AGBL1: variants seen among roughly 807,000 people sequenced by gnomAD.
AGBL1 encodes the protein cytosolic carboxypeptidase 4.
Under a neutral mutation model 118.9 loss-of-function variants are expected in AGBL1, and 130 were observed. The observed-to-expected ratio is 1.09, with a 90% CI of 0.95 to 1.26. The LOEUF is 1.26. Among genes scored for constraint, AGBL1 ranks in the 50% most tolerant of loss-of-function variants. The probability of loss-of-function intolerance (pLI) is 0.00; values close to 1 mark genes in which losing one functional copy is unlikely to be tolerated. For synonymous variants in AGBL1, 555 were observed against 478.9 expected (o/e 1.16, Z -2.08); for missense variants, 1,584 against 1,298.1 (o/e 1.22, Z -3.38).
intron 22 of AGBL1, among the ~76,000 whole-genome samples, chr15:86,784,229 ATAT>A (rs1236696042): frequency 6.6e-6 from 1 of 152,184 alleles, no homozygotes; most frequent in East Asian, 1.9e-4. Context: ...ATTAATAATG[ATAT>A]TAATAATGTT....
At chr15:86,556,123 C>A in intron 21 of AGBL1, 1 of 904,660 alleles carries the variant, frequency 1.1e-6, no homozygotes, top group Non-Finnish European at 1.7e-6. Context: ...AGTATCAGTG[C>A]CATTCACAAT....
At chr15:86,430,984 G>T (rs2142038593) in intron 18 of AGBL1, among the ~76,000 whole-genome samples, 1 of 152,308 alleles carries the variant, frequency 6.6e-6, no homozygotes, top group African/African-American at 2.4e-5. Context: ...AGGAAAGTGA[G>T]ACTCAGAGAT....
Position 86,909,887 on chromosome 15 carries a change from T to C in AGBL1, c.*2593T>C, listed in dbSNP as rs1259911189. On this transcript the variant is annotated 3_prime_UTR_variant, in exon 23 of 23. Transcript: ENST00000614907. The stretch of plus-strand genomic sequence containing the variant: ...AACGTGACCATGACAGATAAGTTTT[T>C]ATGTGGCATGTTCAGAAAAAGCCAG... The C allele has an allele frequency of 6.6e-6, 1 of 152,250 alleles. No individual in the cohort carries two copies. 9.4% of individuals were successfully genotyped at this position (152,250 alleles called of 1,614,324 possible).
intron 23 of AGBL1, among the ~76,000 whole-genome samples, chr15:86,951,956 G>T (rs1416281558): frequency 1.3e-5 from 2 of 152,116 alleles, no homozygotes; most frequent in Non-Finnish European, 2.9e-5. Flanking sequence ...CTCCTGGCTG[G>T]GCACGGTGGC....
chr15:86,616,353 A>T (rs113007090), intron 21 of AGBL1, among the ~76,000 whole-genome samples: 2,792 of 148,530 alleles, frequency 0.019, 133 homozygotes, highest in African/African-American at 0.067. Context: ...AAAAAAAAAA[A>T]AAAAAAAAAA....
chr15:86,180,929 A>G (rs2077543706), intron 5 of AGBL1, among the ~76,000 whole-genome samples: 1 of 152,156 alleles, frequency 6.6e-6, no homozygotes, highest in Admixed American at 6.5e-5. Flanking sequence ...GCTCAACATC[A>G]GAATTAATTA....
At chr15:86,434,747 A>T (rs1052158359) in intron 18 of AGBL1, among the ~76,000 whole-genome samples, 1 of 152,210 alleles carries the variant, frequency 6.6e-6, no homozygotes, top group African/African-American at 2.4e-5. Context: ...TAAGGGAACT[A>T]TATCTGTAGC....
chr15:86,961,812 T>G (rs1027143535), intron 23 of AGBL1, among the ~76,000 whole-genome samples: 6 of 152,084 alleles, frequency 3.9e-5, no homozygotes, highest in South Asian at 2.1e-4. Context: ...ACAGGGCCAT[T>G]CTTAGGGTAT....
chr15:86,237,927 T>G (rs2078579403), intron 6 of AGBL1, among the ~76,000 whole-genome samples: 1 of 152,206 alleles, frequency 6.6e-6, no homozygotes, highest in Non-Finnish European at 1.5e-5. Context: ...CTTTAGCTCC[T>G]GGACTTTTCA....
At chr15:86,801,347 A>ATCTG in intron 22 of AGBL1, among the ~76,000 whole-genome samples, 1 of 149,352 alleles carries the variant, frequency 6.7e-6, no homozygotes, top group Non-Finnish European at 1.5e-5. Flanking sequence ...CTATCTATCT[A>ATCTG]TCTATCTATA....
intron 17 of AGBL1, among the ~76,000 whole-genome samples, chr15:86,369,102 C>T (rs750510176): frequency 2.6e-5 from 4 of 151,982 alleles, no homozygotes; most frequent in Non-Finnish European, 4.4e-5. Context: ...AATAAGGGAA[C>T]AATTAATGGA....
chr15:86,804,131 T>A (rs896720498), intron 22 of AGBL1, among the ~76,000 whole-genome samples: 22 of 152,142 alleles, frequency 1.4e-4, no homozygotes, highest in Admixed American at 1.4e-3. Context: ...TCCAGCCCTT[T>A]AGTATTTAAC....
chr15:86,301,461 T>A (rs1346430922), intron 17 of AGBL1, among the ~76,000 whole-genome samples: 1 of 151,792 alleles, frequency 6.6e-6, no homozygotes, highest in African/African-American at 2.4e-5. Context: ...AAAAATTAAC[T>A]ACAAGAGCAT....
At position 87,018,648 on chromosome 15, in the gene AGBL1, AT is replaced by A. The variant is rs34907558; in HGVS notation, c.3324-10170del. 7.4e-3 allele frequency among the ~76,000 whole-genome samples: 1,125 copies of A among 151,978 alleles called. 14 individuals carry two copies. The highest frequency in any genetic ancestry group is 0.026 in the African/African-American group (1,073 of 41,514). On this transcript the variant is annotated intron_variant, in intron 24 of 24. Transcript: ENST00000441037. ...GAAAGGAAAAACTGTTACCAAAAGTATTTTTTTACAAAAGCACACTGAAGTA... is the reference window on the plus strand; with the variant it reads ...GAAAGGAAAAACTGTTACCAAAAGTATTTTTTACAAAAGCACACTGAAGTA...
At chr15:86,363,403 A>G (rs890408167) in intron 17 of AGBL1, among the ~76,000 whole-genome samples, 1 of 152,018 alleles carries the variant, frequency 6.6e-6, no homozygotes, top group Non-Finnish European at 1.5e-5. Context: ...CATGATTATA[A>G]GCCTCTCTAG....
chr15:86,503,566 G>A (rs917549433), intron 18 of AGBL1, among the ~76,000 whole-genome samples: 1 of 150,894 alleles, frequency 6.6e-6, no homozygotes, highest in Non-Finnish European at 1.5e-5. Context: ...TTTTAATACA[G>A]GCATTTACAA....
intron 21 of AGBL1, among the ~76,000 whole-genome samples, chr15:86,583,106 A>G (rs2084196570): frequency 6.6e-6 from 1 of 151,930 alleles, no homozygotes; most frequent in African/African-American, 2.4e-5. Context: ...ATTAGCTATT[A>G]TTTTATCTAA....
At chr15:86,564,969 T>A (rs1412087622) in intron 21 of AGBL1, among the ~76,000 whole-genome samples, 1 of 152,216 alleles carries the variant, frequency 6.6e-6, no homozygotes, top group Admixed American at 6.5e-5. Context: ...CGTGCCATGG[T>A]TTTCAGCTCC....
In AGBL1 at chr15:86,605,205, C is replaced by T. The variant is rs149545674; in HGVS notation, c.2994+50668C>T. Among the ~76,000 whole-genome samples the T allele has an allele frequency of 7.1e-3, 1,081 of 152,212 alleles. 12 individuals carry two copies. Among genetic ancestry groups the T allele is most frequent in the African/African-American group, 0.025 (1,040 of 41,512 alleles). On this transcript the variant is annotated intron_variant, in intron 21 of 22. Transcript: ENST00000614907. ...TAAACAACATTGTTTGAAAGAAATA[C>T]AGCTAACATTCCTTCAGCTTTTATC...
Sources: allele counts gnomAD v4.1 joint callset (sites outside exome capture counted in the v4.1 genomes callset), GRCh38; gene constraint gnomAD v4.1.1; transcripts MANE v1.5; gene names NCBI Gene and HGNC (gene_info 2026-07-23, HGNC 2026-07-21).